Variants in TNR observed in about 807,000 individuals in gnomAD.
TNR encodes the protein tenascin R.
Under a neutral mutation model 150.4 loss-of-function variants are expected in TNR, and 45 were observed. The ratio of observed to expected loss-of-function variants is 0.30; its 90% CI spans 0.24 to 0.38. The LOEUF is 0.38. Among genes scored for constraint, TNR ranks in the 10% least tolerant of loss-of-function variants. The pLI is 1.00. For missense variants in TNR, 1,544 were observed against 1,759.1 expected, an observed-to-expected ratio of 0.88 and a Z score of 2.19; for synonymous variants, 687 against 678.4, an observed-to-expected ratio of 1.01 and a Z score of -0.20.
intron 18 of TNR, 129 bp from the exon 19 acceptor site, chr1:175,337,808 A>G: frequency 2.7e-6 from 3 of 1,093,126 alleles, no homozygotes; most frequent in Admixed American, 2.3e-5. Flanking sequence ...TCCTCAACGG[A>G]GCTCAAGGTG....
chr1:175,669,201 A>G (rs576194442), intron 1 of TNR, among the ~76,000 whole-genome samples: 1 of 152,340 alleles, frequency 6.6e-6, no homozygotes, highest in African/African-American at 2.4e-5. Context: ...AAAGCATGTG[A>G]AAGATTAAAT....
At chr1:175,628,184 T>C (rs115943105) in intron 1 of TNR, among the ~76,000 whole-genome samples, 1 of 152,206 alleles carries the variant, frequency 6.6e-6, no homozygotes, top group Non-Finnish European at 1.5e-5. Flanking sequence ...CTGAGAAATG[T>C]TGCCATAAGG....
At chr1:175,533,983 G>A (rs1380522140) in intron 1 of TNR, among the ~76,000 whole-genome samples, 1 of 152,176 alleles carries the variant, frequency 6.6e-6, no homozygotes, top group Non-Finnish European at 1.5e-5. Flanking sequence ...GTCTTGGTTT[G>A]GAGGTCAGAA....
At chr1:175,676,658 C>T (rs1023800068) in intron 1 of TNR, among the ~76,000 whole-genome samples, 5 of 152,182 alleles carry the variant, frequency 3.3e-5, no homozygotes, top group African/African-American at 4.8e-5. Context: ...GAAAAGCAGC[C>T]AGAAAGGGAA....
intron 1 of TNR, among the ~76,000 whole-genome samples, chr1:175,580,242 A>G (rs1662298063): frequency 6.6e-6 from 1 of 152,200 alleles, no homozygotes; most frequent in Non-Finnish European, 1.5e-5. Flanking sequence ...CTTCTCCCCA[A>G]AGAGAGCAGG....
chr1:175,550,318 C>A (rs935708938), intron 1 of TNR, among the ~76,000 whole-genome samples: 7 of 152,164 alleles, frequency 4.6e-5, no homozygotes, highest in Non-Finnish European at 5.9e-5. Context: ...CCCTACCCAG[C>A]CAAACAACTT....
intron 1 of TNR, among the ~76,000 whole-genome samples, chr1:175,628,235 A>C (rs10913034): frequency 6.6e-6 from 1 of 152,156 alleles, no homozygotes; most frequent in Non-Finnish European, 1.5e-5. Context: ...CTTTCTCCCC[A>C]GGGTATCAAG....
intron 1 of TNR, among the ~76,000 whole-genome samples, chr1:175,734,517 C>T (rs2101956717): frequency 6.6e-6 from 1 of 152,328 alleles, no homozygotes; most frequent in South Asian, 2.1e-4. Context: ...GCAGGGGATG[C>T]AAGGTCAGCG....
chr1:175,519,745 T>C (rs1170838569), intron 2 of TNR, among the ~76,000 whole-genome samples: 3 of 152,254 alleles, frequency 2.0e-5, no homozygotes, highest in African/African-American at 7.2e-5. Context: ...AATAGTGGTC[T>C]CTTTGCCACC....
intron 2 of TNR, among the ~76,000 whole-genome samples, chr1:175,468,968 G>T (rs181003884): frequency 6.6e-6 from 1 of 152,174 alleles, no homozygotes; most frequent in African/African-American, 2.4e-5. Flanking sequence ...CAGGGGAGGG[G>T]AGGGCAGACT....
rs769449452 is a variant in TNR, at chr1:175,379,754, A to G, written c.1778-17T>C. Reference sequence around the variant, plus strand: ...CATCGATCTCTAAAAATAGACAGACATCACCAACATCGCACATGATAATGT... The same window carrying G: ...CATCGATCTCTAAAAATAGACAGACGTCACCAACATCGCACATGATAATGT... On this transcript the variant is annotated splice_polypyrimidine_tract_variant and intron_variant, in intron 8 of 22. Transcript: ENST00000367674. 7 of 1,613,016 alleles carry G rather than the reference A, an allele frequency of 4.3e-6. No individual in the cohort carries two copies. The highest frequency in any genetic ancestry group is 2.2e-5 in the East Asian group (1 of 44,882).
At chr1:175,617,478 A>G (rs1663819269) in intron 1 of TNR, among the ~76,000 whole-genome samples, 1 of 152,178 alleles carries the variant, frequency 6.6e-6, no homozygotes, top group African/African-American at 2.4e-5. Context: ...TGACAATGCG[A>G]TCCCTCTGCC....
chr1:175,456,826 A>T (rs1229510952), intron 2 of TNR, among the ~76,000 whole-genome samples: 1 of 152,216 alleles, frequency 6.6e-6, no homozygotes, highest in South Asian at 2.1e-4. Flanking sequence ...ATCTTAAAAA[A>T]GTTGAAATGA....
intron 1 of TNR, among the ~76,000 whole-genome samples, chr1:175,710,615 C>T (rs1666984631): frequency 6.6e-6 from 1 of 152,082 alleles, no homozygotes; most frequent in South Asian, 2.1e-4. Flanking sequence ...AGTTACCCAG[C>T]CCTATCAACA....
intron 1 of TNR, among the ~76,000 whole-genome samples, chr1:175,554,676 CA>C (rs145921174): frequency 0.017 from 2,620 of 152,240 alleles, 68 homozygotes; most frequent in African/African-American, 0.058. Context: ...CTGCTAAGGA[CA>C]GGCTCCCAGC....
intron 1 of TNR, among the ~76,000 whole-genome samples, chr1:175,569,993 G>C (rs943942402): frequency 6.6e-6 from 1 of 152,092 alleles, no homozygotes; most frequent in African/African-American, 2.4e-5. Context: ...GTTAGCTGGC[G>C]GCCAAGACCT....
chr1:175,537,144 G>C (rs1371010499), intron 1 of TNR, among the ~76,000 whole-genome samples: 1 of 152,206 alleles, frequency 6.6e-6, no homozygotes, highest in Non-Finnish European at 1.5e-5. Flanking sequence ...CACATTGGAA[G>C]GGCACCCCTT....
chr1:175,603,116 A>G (rs952730207), intron 1 of TNR, among the ~76,000 whole-genome samples: 1 of 152,178 alleles, frequency 6.6e-6, no homozygotes, highest in Non-Finnish European at 1.5e-5. Context: ...TGTCTGTTTT[A>G]GTGTGGTGGG....
At chr1:175,465,313 A>G (rs1656985580) in intron 2 of TNR, among the ~76,000 whole-genome samples, 1 of 152,248 alleles carries the variant, frequency 6.6e-6, no homozygotes, top group Admixed American at 6.5e-5. Flanking sequence ...CAAACAACCC[A>G]TGGAAACTTT....
Sources: gnomAD v4.1 joint callset for allele counts (sites outside exome capture counted in the v4.1 genomes callset) on GRCh38, gnomAD v4.1.1 for gene constraint, MANE v1.5 for transcripts, NCBI Gene and HGNC (gene_info 2026-07-23, HGNC 2026-07-21) for gene names.